The following DPP6 variants were observed in gnomAD, a reference collection of about 807,000 sequenced individuals.
The protein encoded by DPP6 is dipeptidyl peptidase like 6, also known as A-type potassium channel modulatory protein DPP6.
Under a neutral mutation model 122.6 loss-of-function variants are expected in DPP6, and 69 were observed. The ratio of observed to expected loss-of-function variants is 0.56; its 90% confidence interval spans 0.46 to 0.69. The LOEUF (loss-of-function observed/expected upper bound fraction) is 0.69, where lower values mean the gene tolerates loss of function less well. DPP6 is among the 30% of genes least tolerant of loss of function. The pLI is 0.00. For synonymous variants in DPP6, 418 were observed against 433.1 expected (o/e 0.97, Z 0.43); for missense variants, 928 against 1,116.9 (o/e 0.83, Z 2.41).
intron 3 of DPP6, among the ~76,000 whole-genome samples, chr7:154,507,996 G>A (rs566465785): frequency 8.5e-5 from 13 of 152,108 alleles, no homozygotes; most frequent in Non-Finnish European, 1.6e-4. Context: ...AAGAGTCTCC[G>A]ATTAGAAATT....
At chr7:154,180,381 A>ATATAAATATATATATATG (rs1393842888) in intron 1 of DPP6, among the ~76,000 whole-genome samples, 1 of 145,590 alleles carries the variant, frequency 6.9e-6, no homozygotes, top group South Asian at 2.1e-4. Context: ...CAAAATATAT[A>ATATAAATATATATATATG]TATAAATATA....
chr7:154,837,168 C>T (rs1281126049), intron 16 of DPP6, among the ~76,000 whole-genome samples: 1 of 151,604 alleles, frequency 6.6e-6, no homozygotes, highest in African/African-American at 2.4e-5. Context: ...CACACAAACA[C>T]ATGCATACAC....
chr7:154,727,289 G>C (rs1456873241), intron 7 of DPP6, among the ~76,000 whole-genome samples: 1 of 152,202 alleles, frequency 6.6e-6, no homozygotes, highest in Non-Finnish European at 1.5e-5. Flanking sequence ...CATGGCTGGA[G>C]GAGGAGGAAG....
chr7:154,839,640 G>T (rs1801359476), intron 16 of DPP6, among the ~76,000 whole-genome samples: 1 of 152,200 alleles, frequency 6.6e-6, no homozygotes, highest in African/African-American at 2.4e-5. Context: ...CCACAGAGGA[G>T]GGAGGAGGCA....
intron 1 of DPP6, among the ~76,000 whole-genome samples, chr7:154,110,621 G>A (rs1806504266): frequency 1.3e-5 from 2 of 152,130 alleles, no homozygotes; most frequent in Admixed American, 6.5e-5. Context: ...GAAAGGGGAT[G>A]GAGGCTTTGG....
At position 154,414,526 on chromosome 7, in the gene DPP6, A is replaced by G. The variant is rs568153824; in HGVS notation, c.244-31688A>G. Among the ~76,000 whole-genome samples the G allele has an allele frequency of 5.3e-5, 8 of 152,072 alleles. No individual in the cohort carries two copies. In the South Asian group the frequency reaches 6.2e-4, roughly 12 times the overall value. On this transcript the variant is annotated intron_variant, in intron 1 of 25. Coordinates refer to ENST00000377770, the MANE Select transcript of DPP6 (RefSeq NM_130797.4). ...ATCTCCCTTATCACTTCTTTTTATC[A>G]TCTCTCTCTCTACTTTCCTTTACAC...
chr7:154,093,207 C>T lies in DPP6; in HGVS notation c.243+40144C>T, dbSNP rs1259132180. Reference sequence around the variant, plus strand: ...ACCACATGCCACACAACTTACATACCACATCATACACATCATACACACGAC... The same window carrying T: ...ACCACATGCCACACAACTTACATACTACATCATACACATCATACACACGAC... On this transcript the variant is annotated intron_variant, in intron 1 of 25. Transcript: ENST00000377770. Among the ~76,000 whole-genome samples the T allele has an allele frequency of 2.9e-5, 4 of 139,076 alleles. No individual in the cohort carries two copies. In the East Asian group the frequency reaches 8.0e-4, roughly 28 times the overall value. The allele number at this position is 139,076 out of a possible 152,430, so 91.2% of individuals were successfully genotyped here.
chr7:153,797,842 C>CT, the DPP6 span, among the ~76,000 whole-genome samples: 3 of 151,546 alleles, frequency 2.0e-5, no homozygotes, highest in South Asian at 2.1e-4. Flanking sequence ...TCTTCTTCTT[C>CT]TTTTTTTTCT....
At chr7:153,827,712 C>T in the DPP6 span, among the ~76,000 whole-genome samples, 1 of 152,140 alleles carries the variant, frequency 6.6e-6, no homozygotes, top group East Asian at 1.9e-4. Flanking sequence ...AAGGAGAAGT[C>T]GACTGGAGAG....
chr7:154,731,111 T>A (rs1175826817), intron 8 of DPP6, among the ~76,000 whole-genome samples: 8 of 152,176 alleles, frequency 5.3e-5, no homozygotes, highest in African/African-American at 1.9e-4. Context: ...CCTTTTTTAA[T>A]AATGGGAAAG....
the DPP6 span, among the ~76,000 whole-genome samples, chr7:153,847,081 C>T: frequency 6.6e-6 from 1 of 152,248 alleles, no homozygotes; most frequent in East Asian, 1.9e-4. Flanking sequence ...ATTGATTTAG[C>T]CATCTCCAAC....
In DPP6 at chr7:154,627,884, G is replaced by A. The variant is rs145303933; in HGVS notation, c.628-9937G>A. ...TGCAGAATCTTGGGAAGGGGGCAGT[G>A]TGGGTTTTGCATGTGGGAGGGACTT... is the stretch of plus-strand genomic sequence containing the variant. On this transcript the variant is annotated intron_variant, in intron 5 of 25. Transcript: ENST00000377770. Among the ~76,000 whole-genome samples the A allele has an allele frequency of 5.3e-5, 8 of 152,336 alleles. 1 individual carries two copies. The East Asian group carries it at 1.5e-3, about 29-fold the overall frequency.
At chr7:153,925,791 C>T (rs1015207836) in intron 1 of DPP6, among the ~76,000 whole-genome samples, 2 of 152,180 alleles carry the variant, frequency 1.3e-5, no homozygotes, top group Non-Finnish European at 2.9e-5. Context: ...AAGTGGCTTC[C>T]CTAATCTTTC....
the DPP6 span, among the ~76,000 whole-genome samples, chr7:153,805,409 A>G: frequency 6.6e-6 from 1 of 152,210 alleles, no homozygotes; most frequent in Non-Finnish European, 1.5e-5. Flanking sequence ...CAGACGTCCC[A>G]AGGAAGGTAA....
intron 1 of DPP6, among the ~76,000 whole-genome samples, chr7:154,220,166 C>A (rs1306625677): frequency 6.6e-6 from 1 of 152,112 alleles, no homozygotes; most frequent in African/African-American, 2.4e-5. Context: ...GAGATGGGTC[C>A]TTTGCGGAAG....
rs1259242036 is a variant in DPP6, at chr7:154,755,408, C to T, written c.884-14009C>T. Reference sequence around the variant, plus strand: ...GAGACAGGCAGGTGCAGAAATGTCTCTGTCAGTATTTCCCATGGGTTATCT... The same window carrying T: ...GAGACAGGCAGGTGCAGAAATGTCTTTGTCAGTATTTCCCATGGGTTATCT... On this transcript the variant is annotated intron_variant, in intron 8 of 25. Transcript: ENST00000377770. The surrounding 1 kb of genome is among the most constrained non-coding windows in gnomAD (Gnocchi z 4.7). 6.6e-6 allele frequency among the ~76,000 whole-genome samples: 1 copy of T among 152,114 alleles called. No homozygotes were observed. The highest frequency in any genetic ancestry group is 2.4e-5 in the African/African-American group (1 of 41,430).
chr7:154,115,171 T>TG (rs1806890493), intron 1 of DPP6, among the ~76,000 whole-genome samples: 1 of 152,150 alleles, frequency 6.6e-6, no homozygotes, highest in Admixed American at 6.5e-5. Flanking sequence ...TCAGGTGGTG[T>TG]GAAAGACAAA....
intron 8 of DPP6, among the ~76,000 whole-genome samples, chr7:154,761,714 ATTTTAT>A (rs1795570366): frequency 6.6e-6 from 1 of 151,382 alleles, no homozygotes; most frequent in African/African-American, 2.4e-5. Flanking sequence ...TCAAGGTTTT[ATTTTAT>A]TTTTATTTTT....
At chr7:154,677,438 G>C (rs771119036) in intron 7 of DPP6, among the ~76,000 whole-genome samples, 7 of 152,080 alleles carry the variant, frequency 4.6e-5, no homozygotes, top group South Asian at 4.1e-4. Flanking sequence ...TGGGGTTTTT[G>C]CCTTCAATAA....
Sources: gnomAD v4.1 joint callset for allele counts (sites outside exome capture counted in the v4.1 genomes callset) on GRCh38, gnomAD v4.1.1 for gene constraint, Gnocchi (gnomAD v3.1) non-coding constraint, MANE v1.5 for transcripts, NCBI Gene and HGNC (gene_info 2026-07-23, HGNC 2026-07-21) for gene names.